Variants in TNKS observed in about 807,000 individuals in gnomAD.
The protein encoded by TNKS is poly [ADP-ribose] polymerase tankyrase-1.
A neutral mutation model predicts 135.8 loss-of-function variants in TNKS; 72 were observed. The ratio of observed to expected loss-of-function variants is 0.53; its 90% CI spans 0.44 to 0.64. The LOEUF is 0.64. TNKS is among the 30% of genes least tolerant of loss of function. The pLI, the probability that TNKS is intolerant of heterozygous loss-of-function variation, is 0.00. For missense variants in TNKS, 1,769 were observed against 1,674.0 expected (o/e 1.06, Z -0.99); for synonymous variants, 849 against 649.3 (o/e 1.31, Z -4.68).
In TNKS at chr8:9,775,459, C is replaced by CTA. The variant is rs59789406; in HGVS notation, c.3898-1147_3898-1146dup. Among the ~76,000 whole-genome samples the CTA allele has an allele frequency of 6.7e-3, 541 of 80,492 alleles. 4 individuals carry two copies. The highest frequency in any genetic ancestry group is 0.018 in the East Asian group (38 of 2,164). The allele number at this position is 80,492 out of a possible 152,430, so 52.8% of individuals were successfully genotyped here. A position where few individuals can be genotyped will look rare whatever the true frequency, so the allele number is the denominator to read the frequency against. On this transcript the variant is annotated intron_variant, in intron 26 of 26. Coordinates refer to ENST00000310430, the MANE Select transcript of TNKS (RefSeq NM_003747.3). ...ACGGAAAAGAATATTATGAATGGTT[C>CTA]TATATATATATATATATATATATAT...
In TNKS at chr8:9,626,502, C is replaced by T. The variant is rs1181485768; in HGVS notation, c.994+10825C>T. Among the ~76,000 whole-genome samples, 5 of 152,142 alleles carry T rather than the reference C, an allele frequency of 3.3e-5. No individual in the cohort carries two copies. The South Asian group carries it at 1.0e-3, about 31-fold the overall frequency. ...TAGCAATAGGAAACTAGTACAGTAT[C>T]TATTGGTTGTCTTTTTTATTCAGTT... On this transcript the variant is annotated intron_variant, in intron 3 of 26. Transcript: ENST00000310430.
intron 3 of TNKS, among the ~76,000 whole-genome samples, chr8:9,675,156 T>C (rs899229034): frequency 2.0e-5 from 3 of 152,234 alleles, no homozygotes; most frequent in African/African-American, 7.2e-5. Flanking sequence ...CCTGGTGCTT[T>C]AGCTGAATTC....
chr8:9,655,728 C>G (rs982464955), intron 3 of TNKS, among the ~76,000 whole-genome samples: 1 of 151,936 alleles, frequency 6.6e-6, no homozygotes. Flanking sequence ...ACATCCACAC[C>G]AAAAACCCAT....
rs143248837 is a variant in TNKS at position 9,748,770 on chromosome 8, A to G, written c.2832+558A>G. 2.6e-5 allele frequency among the ~76,000 whole-genome samples: 4 copies of G among 152,366 alleles called. No individual in the cohort carries two copies. The East Asian group carries it at 5.8e-4, about 22-fold the overall frequency. On this transcript the variant is annotated intron_variant, in intron 18 of 26. Transcript: ENST00000310430. ...GATTGCTGCGTAACAAACTGTTTCA[A>G]AACACCCAGTGGCTTAAAATAATAA...
At chr8:9,697,155 T>C (rs1170094811) in intron 5 of TNKS, among the ~76,000 whole-genome samples, 1 of 152,086 alleles carries the variant, frequency 6.6e-6, no homozygotes, top group Non-Finnish European at 1.5e-5. Flanking sequence ...CACATACCTA[T>C]AATCATCTGA....
chr8:9,618,475 C>T (rs1452993026), intron 3 of TNKS, among the ~76,000 whole-genome samples: 2 of 152,112 alleles, frequency 1.3e-5, no homozygotes, highest in Non-Finnish European at 2.9e-5. Flanking sequence ...GAATGGTAGA[C>T]TTAGAAGAAA....
intron 2 of TNKS, 152 bp from the exon 3 acceptor site, chr8:9,615,430 C>A: frequency 1.9e-6 from 1 of 530,354 alleles, no homozygotes; most frequent in Non-Finnish European, 3.2e-6. Context: ...TCCTTTGCTG[C>A]AGTGCTTTTT....
At chr8:9,721,232 A>T (rs1008618643) in intron 12 of TNKS, among the ~76,000 whole-genome samples, 3 of 148,668 alleles carry the variant, frequency 2.0e-5, no homozygotes, top group African/African-American at 7.3e-5. Context: ...CAGTGAGCCG[A>T]GATCACGCCA....
chr8:9,622,567 C>A (rs1799905977), intron 3 of TNKS, among the ~76,000 whole-genome samples: 1 of 152,152 alleles, frequency 6.6e-6, no homozygotes, highest in African/African-American at 2.4e-5. Flanking sequence ...TCAATGAGTG[C>A]TCTTATATGT....
intron 25 of TNKS, among the ~76,000 whole-genome samples, chr8:9,769,754 A>G (rs1807705647): frequency 6.6e-6 from 1 of 150,870 alleles, no homozygotes; most frequent in Non-Finnish European, 1.5e-5. Flanking sequence ...CAAGTAGCTG[A>G]GACTACAGGC....
At chr8:9,568,908 T>C (rs12675476) in intron 1 of TNKS, among the ~76,000 whole-genome samples, 37,592 of 152,088 alleles carry the variant, frequency 0.25, 4,821 homozygotes, top group East Asian at 0.4. Context: ...TCTGCTGTGT[T>C]AGAATCCATT....
In TNKS at chr8:9,706,196, G is replaced by C. The variant is rs1227865039; in HGVS notation, c.1212G>C (p.Val404=). 6.4e-7 allele frequency: 1 copy of C among 1,567,920 alleles called. No individual in the cohort carries two copies. The highest frequency in any genetic ancestry group is 8.6e-7 in the Non-Finnish European group (1 of 1,162,268). Residue 404 remains valine, a synonymous_variant, in exon 7 of 27, where the codon GTG becomes GTC. Coordinates refer to ENST00000310430, the MANE Select transcript of TNKS (RefSeq NM_003747.3). ...DVHAKDKGGL[V]PLHNACSYGH... ...GCCTCTTTTCATTTAGTGGACTTGT[G>C]CCTCTTCATAATGCATGTTCATATG...
Position 9,706,167 on chromosome 8 carries a change from A to T in TNKS, c.1203-20A>T, listed in dbSNP as rs1355678897. 6.4e-7 allele frequency: 1 copy of T among 1,552,940 alleles called. No homozygotes were observed. Among genetic ancestry groups the T allele is most frequent in the Admixed American group, 2.0e-5 (1 of 49,968 alleles). On this transcript the variant is annotated intron_variant, in intron 6 of 26. Transcript: ENST00000310430. The stretch of plus-strand genomic sequence containing the variant: ...AGTTGTTTGAAATTTAAGTATTTTA[A>T]TTTGCCTCTTTTCATTTAGTGGACT...
At chr8:9,608,280 G>A (rs557664888) in intron 2 of TNKS, among the ~76,000 whole-genome samples, 17 of 152,102 alleles carry the variant, frequency 1.1e-4, no homozygotes, top group Non-Finnish European at 2.1e-4. Context: ...CATCATCAGT[G>A]CAAATGTTAA....
intron 3 of TNKS, among the ~76,000 whole-genome samples, chr8:9,649,724 T>G (rs1376976275): frequency 6.6e-6 from 1 of 152,038 alleles, no homozygotes; most frequent in Non-Finnish European, 1.5e-5. Context: ...ATACACGATA[T>G]TTGGTTTTCC....
intron 25 of TNKS, among the ~76,000 whole-genome samples, chr8:9,768,295 G>C (rs900831267): frequency 6.6e-6 from 1 of 152,194 alleles, no homozygotes; most frequent in African/African-American, 2.4e-5. Flanking sequence ...GCAGTGAGGT[G>C]CATTCATGAG....
chr8:9,701,351 G>A (rs974012732), intron 5 of TNKS, among the ~76,000 whole-genome samples: 17 of 152,194 alleles, frequency 1.1e-4, no homozygotes, highest in Admixed American at 6.5e-5. Flanking sequence ...AAAGAAAGTT[G>A]TGTAAAAGAT....
At chr8:9,589,670 A>G (rs987116113) in intron 2 of TNKS, among the ~76,000 whole-genome samples, 14 of 152,372 alleles carry the variant, frequency 9.2e-5, no homozygotes, top group Non-Finnish European at 1.8e-4. Flanking sequence ...CCTCACCACT[A>G]TACATAGGAA....
Position 9,556,263 on chromosome 8 carries a change from T to A in TNKS, c.324T>A (p.Val108=). The change falls in exon 1 of 27, where the codon GTT becomes GTA. Residue 108 remains valine, a synonymous_variant. Transcript: ENST00000310430. Reference sequence around the variant, plus strand: ...CCGCCGCTCCCGTGGTCCCAGCGGTTTCTACTTCATCTGCCGCTGGGGTCG... The same window carrying A: ...CCGCCGCTCCCGTGGTCCCAGCGGTATCTACTTCATCTGCCGCTGGGGTCG... The part of the protein sequence containing the change: ...TVAAAPVVPA[V]STSSAAGVAP... The A allele has an allele frequency of 6.2e-7, 1 of 1,614,232 alleles. No individual in the cohort carries two copies. Among genetic ancestry groups the A allele is most frequent in the African/African-American group, 1.3e-5 (1 of 75,070 alleles).
Sources: gnomAD v4.1 joint callset for allele counts (sites outside exome capture counted in the v4.1 genomes callset) on GRCh38, gnomAD v4.1.1 for gene constraint, MANE v1.5 for transcripts, NCBI Gene and HGNC (gene_info 2026-07-23, HGNC 2026-07-21) for gene names.